SLC24A3: variants seen among roughly 807,000 people sequenced by gnomAD.
SLC24A3 encodes solute carrier family 24 member 3.
Under a neutral mutation model 75.8 loss-of-function variants are expected in SLC24A3, and 28 were observed. The observed-to-expected ratio is 0.37, with a 90% confidence interval of 0.27 to 0.51. The LOEUF (loss-of-function observed/expected upper bound fraction) is 0.51. SLC24A3 is among the 20% of genes least tolerant of loss of function. SLC24A3 has a pLI of 0.94. For synonymous variants in SLC24A3, 372 were observed against 334.1 expected (o/e 1.11, Z -1.24); for missense variants, 663 against 847.8 (o/e 0.78, Z 2.71).
chr20:19,215,236 A>G (rs1410095277), intron 1 of SLC24A3, among the ~76,000 whole-genome samples: 2 of 152,214 alleles, frequency 1.3e-5, no homozygotes, highest in African/African-American at 4.8e-5. Flanking sequence ...CACACTACCT[A>G]GTGGTCCTTT....
rs534266714 is a variant in SLC24A3, at chr20:19,700,903, TAG to T, written c.1719+2226_1719+2227del. On this transcript the variant is annotated intron_variant, in intron 15 of 16. Transcript: ENST00000328041. ...TCTTTGTACATTAACCTATAGGTTTTAGAGTTTTACCTAAATCTATACTTTTC... is the reference window on the plus strand; with the variant it reads ...TCTTTGTACATTAACCTATAGGTTTTAGTTTTACCTAAATCTATACTTTTC... Among the ~76,000 whole-genome samples the T allele has an allele frequency of 2.7e-3, 416 of 152,370 alleles. 2 individuals are homozygous for T. Among genetic ancestry groups the T allele is most frequent in the Middle Eastern group, 6.8e-3 (2 of 294 alleles).
At chr20:19,579,687 G>T (rs369337980) in intron 3 of SLC24A3, among the ~76,000 whole-genome samples, 2 of 152,308 alleles carry the variant, frequency 1.3e-5, no homozygotes, top group East Asian at 3.9e-4. Context: ...GTGTGATGGC[G>T]TGAGCCAGTG....
Position 19,558,196 on chromosome 20 carries a change from A to G in SLC24A3, c.349-21804A>G, listed in dbSNP as rs530693236. Among the ~76,000 whole-genome samples the G allele has an allele frequency of 1.7e-4, 26 of 152,284 alleles. No homozygotes were observed. In the East Asian group the frequency reaches 4.8e-3, roughly 28 times the overall value. Reference sequence around the variant, plus strand: ...AAGTTTTTAAATCACCTTTACTGACATATAATTTTACACAAAGAAAATATC... The same window carrying G: ...AAGTTTTTAAATCACCTTTACTGACGTATAATTTTACACAAAGAAAATATC... On this transcript the variant is annotated intron_variant, in intron 3 of 16. Transcript: ENST00000328041.
At position 19,320,064 on chromosome 20, in the gene SLC24A3, T is replaced by C. The variant is rs527738578; in HGVS notation, c.271+38977T>C. On this transcript the variant is annotated intron_variant, in intron 2 of 16. Transcript: ENST00000328041. ...TCCATACAGCTTGCTCACCTCTAAT[T>C]ACGTTTGCTTGAATCTGTTGGCAGG... 2.0e-5 allele frequency among the ~76,000 whole-genome samples: 3 copies of C among 152,274 alleles called. No homozygotes were observed. The East Asian group carries it at 5.8e-4, about 30-fold the overall frequency.
rs541897726 is a variant in SLC24A3, at chr20:19,424,546, C to T, written c.272-90942C>T. ...CTCTACTAAAAATACAAAAATTAGC[C>T]GAGTGGTAGTGGTGTGTGCCTGTAA... On this transcript the variant is annotated intron_variant, in intron 2 of 16. Transcript: ENST00000328041. 2.6e-5 allele frequency among the ~76,000 whole-genome samples: 4 copies of T among 151,706 alleles called. No homozygotes were observed. The East Asian group carries it at 5.8e-4, about 22-fold the overall frequency.
intron 8 of SLC24A3, among the ~76,000 whole-genome samples, chr20:19,666,643 G>A (rs544333343): frequency 6.6e-6 from 1 of 152,214 alleles, no homozygotes; most frequent in East Asian, 1.9e-4. Flanking sequence ...AGATCTTAGA[G>A]CTCTGAAAAT....
At chr20:19,505,548 G>C (rs2122546888) in intron 2 of SLC24A3, among the ~76,000 whole-genome samples, 1 of 152,292 alleles carries the variant, frequency 6.6e-6, no homozygotes, top group Admixed American at 6.5e-5. Flanking sequence ...TATGGGAGCT[G>C]GGAAGTGAGA....
intron 2 of SLC24A3, among the ~76,000 whole-genome samples, chr20:19,353,903 C>T (rs1985626270): frequency 6.6e-6 from 1 of 152,182 alleles, no homozygotes; most frequent in Non-Finnish European, 1.5e-5. Flanking sequence ...TCTTGGAAAA[C>T]AGTTTGGAGT....
intron 12 of SLC24A3, among the ~76,000 whole-genome samples, chr20:19,689,492 A>G (rs1305156255): frequency 2.0e-5 from 3 of 152,224 alleles, no homozygotes; most frequent in Non-Finnish European, 4.4e-5. Flanking sequence ...CATCAGGTCC[A>G]TGGTCAGGGA....
intron 6 of SLC24A3, among the ~76,000 whole-genome samples, chr20:19,603,938 C>T (rs890442092): frequency 3.3e-5 from 5 of 152,170 alleles, no homozygotes; most frequent in African/African-American, 9.7e-5. Context: ...TCTGTAAGGG[C>T]TTCGAAAGGA....
At chr20:19,273,059 C>T (rs1340776270) in intron 1 of SLC24A3, among the ~76,000 whole-genome samples, 1 of 152,176 alleles carries the variant, frequency 6.6e-6, no homozygotes. Context: ...ATCTGCCCAA[C>T]AATCATAGCA....
chr20:19,306,097 C>T (rs916664082), intron 2 of SLC24A3, among the ~76,000 whole-genome samples: 13 of 152,152 alleles, frequency 8.5e-5, no homozygotes, highest in African/African-American at 2.7e-4. Flanking sequence ...AGAAGACATA[C>T]GTGTGGCCAA....
intron 1 of SLC24A3, among the ~76,000 whole-genome samples, chr20:19,229,998 T>C (rs1401536551): frequency 6.6e-6 from 1 of 152,150 alleles, no homozygotes; most frequent in African/African-American, 2.4e-5. Context: ...ATATATCCTA[T>C]GTTTATTTGA....
chr20:19,683,708 G>T (rs576624344), intron 10 of SLC24A3, among the ~76,000 whole-genome samples: 2 of 152,204 alleles, frequency 1.3e-5, no homozygotes, highest in African/African-American at 2.4e-5. Context: ...CCCCAGATCT[G>T]AATGGTGGGA....
chr20:19,618,836 C>G (rs554126458), intron 6 of SLC24A3, among the ~76,000 whole-genome samples: 1 of 152,340 alleles, frequency 6.6e-6, no homozygotes, highest in East Asian at 1.9e-4. Flanking sequence ...CCCTTTCATG[C>G]TTATGATCCA....
chr20:19,651,738 G>A (rs2032207355), intron 6 of SLC24A3, among the ~76,000 whole-genome samples: 1 of 151,832 alleles, frequency 6.6e-6, no homozygotes, highest in African/African-American at 2.4e-5. Context: ...GTGGGCGCCT[G>A]TAGTCCCAAC....
intron 8 of SLC24A3, among the ~76,000 whole-genome samples, chr20:19,669,532 G>C (rs2032440949): frequency 6.6e-6 from 1 of 151,898 alleles, no homozygotes; most frequent in Non-Finnish European, 1.5e-5. Context: ...AAGTGTCAGA[G>C]GCCCACATAT....
chr20:19,544,031 C>A (rs1216242203), intron 3 of SLC24A3, among the ~76,000 whole-genome samples: 2 of 152,184 alleles, frequency 1.3e-5, no homozygotes, highest in Non-Finnish European at 2.9e-5. Context: ...ACAGGTCCCA[C>A]CAGAAAGTCA....
intron 3 of SLC24A3, among the ~76,000 whole-genome samples, chr20:19,550,619 G>A (rs2030677366): frequency 6.6e-6 from 1 of 152,196 alleles, no homozygotes; most frequent in South Asian, 2.1e-4. Context: ...TTTCTACCTA[G>A]TGTCATAATG....
Sources: gnomAD v4.1 joint callset for allele counts (sites outside exome capture counted in the v4.1 genomes callset) on GRCh38, gnomAD v4.1.1 for gene constraint, MANE v1.5 for transcripts, NCBI Gene and HGNC (gene_info 2026-07-23, HGNC 2026-07-21) for gene names.